Variants in GRB2 observed in about 807,000 individuals in gnomAD.
GRB2 encodes the protein growth factor receptor bound protein 2.
Under a neutral mutation model 27.4 loss-of-function variants are expected in GRB2, and 2 were observed. That is an observed-to-expected ratio of 0.07 (90% CI 0.03 to 0.23). The LOEUF (loss-of-function observed/expected upper bound fraction) is 0.23. Among genes scored for constraint, GRB2 ranks in the 10% least tolerant of loss-of-function variants. The pLI is 1.00. For synonymous variants in GRB2, 94 were observed against 99.6 expected, an observed-to-expected ratio of 0.94 and a Z score of 0.33; for missense variants, 102 against 282.4, an observed-to-expected ratio of 0.36 and a Z score of 4.58.
intron 2 of GRB2, among the ~76,000 whole-genome samples, chr17:75,387,016 C>T (rs376305527): frequency 2.3e-5 from 2 of 87,094 alleles, no homozygotes; most frequent in Non-Finnish European, 3.1e-5. Flanking sequence ...CAAAAATTAG[C>T]TGGGTGTGGT....
intron 1 of GRB2, among the ~76,000 whole-genome samples, chr17:75,400,957 A>T (rs1273162962): frequency 1.3e-5 from 2 of 150,290 alleles, no homozygotes; most frequent in Non-Finnish European, 3.0e-5. Context: ...AAATACCAGG[A>T]TATATCAATT....
chr17:75,320,971 C>T lies in GRB2; in HGVS notation c.469-418G>A, dbSNP rs770182787. 6.6e-5 allele frequency among the ~76,000 whole-genome samples: 10 copies of T among 152,016 alleles called. No individual in the cohort carries two copies. Among genetic ancestry groups the T allele is most frequent in the Non-Finnish European group, 1.0e-4 (7 of 68,020 alleles). ...CTCGAATAACATAAGGGGCTCTAACCGTAACTTACGACCAGGGCTCGAGGG... is the reference window on the plus strand; with the variant it reads ...CTCGAATAACATAAGGGGCTCTAACTGTAACTTACGACCAGGGCTCGAGGG... On this transcript the variant is annotated intron_variant, in intron 5 of 5. Coordinates refer to ENST00000316804, the MANE Select transcript of GRB2 (RefSeq NM_002086.5). The surrounding 1 kb of genome is among the most constrained non-coding windows in gnomAD (Gnocchi z 4.3).
At chr17:75,359,360 G>C (rs1025429151) in intron 2 of GRB2, among the ~76,000 whole-genome samples, 3 of 151,466 alleles carry the variant, frequency 2.0e-5, no homozygotes, top group Admixed American at 2.0e-4. Flanking sequence ...ACAAAAATCA[G>C]CCAGGCACGG....
At chr17:75,350,235 GAAA>G (rs35602764) in intron 2 of GRB2, among the ~76,000 whole-genome samples, 2 of 130,962 alleles carry the variant, frequency 1.5e-5, no homozygotes, top group Non-Finnish European at 1.6e-5. Flanking sequence ...TCTCTGAGGG[GAAA>G]AAAAAAAAAA....
intron 2 of GRB2, among the ~76,000 whole-genome samples, chr17:75,368,319 G>A (rs1174407097): frequency 2.0e-5 from 3 of 150,632 alleles, no homozygotes; most frequent in Non-Finnish European, 1.5e-5. Context: ...ATGGTCAAGC[G>A]ATTATCCTGC....
intron 2 of GRB2, among the ~76,000 whole-genome samples, chr17:75,374,606 C>T (rs1240790998): frequency 2.1e-5 from 3 of 141,926 alleles, no homozygotes; most frequent in African/African-American, 8.3e-5. Context: ...TGCCTGTAGT[C>T]ACACACACAC....
At chr17:75,386,276 G>C (rs190072064) in intron 2 of GRB2, among the ~76,000 whole-genome samples, 4 of 152,114 alleles carry the variant, frequency 2.6e-5, no homozygotes. Context: ...ACACCACCAC[G>C]CCCAGCTAAT....
At chr17:75,329,251 G>T (rs1302413402) in intron 3 of GRB2, among the ~76,000 whole-genome samples, 5 of 151,936 alleles carry the variant, frequency 3.3e-5, no homozygotes, top group African/African-American at 7.3e-5. Flanking sequence ...TCTCCACTAG[G>T]GAGGTTTTTT....
intron 2 of GRB2, among the ~76,000 whole-genome samples, chr17:75,360,059 A>C (rs1460927448): frequency 1.3e-5 from 2 of 151,818 alleles, no homozygotes; most frequent in African/African-American, 4.8e-5. Context: ...AGGTGGGAGG[A>C]TTGCTTGAGG....
At position 75,336,376 on chromosome 17, in the gene GRB2, CAG is replaced by C. The variant is rs375366982; in HGVS notation, c.79-3581_79-3580del. Among the ~76,000 whole-genome samples the C allele has an allele frequency of 8.5e-5, 13 of 152,272 alleles. No homozygotes were observed. The East Asian group carries it at 1.5e-3, about 18-fold the overall frequency. The stretch of plus-strand genomic sequence containing the variant: ...ACTGTATACACTTGTTCTTGGAAGA[CAG>C]AGAGTCAGACTGACAAAGAGCTGCT... On this transcript the variant is annotated intron_variant, in intron 2 of 5. Coordinates refer to ENST00000316804, the MANE Select transcript of GRB2 (RefSeq NM_002086.5).
intron 4 of GRB2, among the ~76,000 whole-genome samples, chr17:75,325,117 C>T (rs529249097): frequency 1.3e-5 from 2 of 152,026 alleles, no homozygotes; most frequent in Admixed American, 6.6e-5. Flanking sequence ...TTTTCTATCC[C>T]CCATTCAAAA....
chr17:75,396,902 T>A lies in GRB2; in HGVS notation c.-137-3137A>T, dbSNP rs531902969. Among the ~76,000 whole-genome samples the A allele has an allele frequency of 5.4e-4, 83 of 152,332 alleles. 1 individual carries two copies. Among genetic ancestry groups the A allele is most frequent in the African/African-American group, 1.9e-3 (80 of 41,570 alleles). Reference sequence around the variant, plus strand: ...AAAAGCCCTGTCACTTTCAAGGTGCTATGTAGTACGACCAGCCATAAGCTT... The same window carrying A: ...AAAAGCCCTGTCACTTTCAAGGTGCAATGTAGTACGACCAGCCATAAGCTT... On this transcript the variant is annotated intron_variant, in intron 1 of 5. Transcript: ENST00000316804.
At chr17:75,340,446 A>G (rs966968350) in intron 2 of GRB2, among the ~76,000 whole-genome samples, 31 of 152,346 alleles carry the variant, frequency 2.0e-4, no homozygotes, top group African/African-American at 7.2e-4. Flanking sequence ...AAATACTGCC[A>G]TGACTTGAAG....
chr17:75,345,377 TATGATTC>T (rs1567862363), intron 2 of GRB2, among the ~76,000 whole-genome samples: 1 of 152,134 alleles, frequency 6.6e-6, no homozygotes, highest in Non-Finnish European at 1.5e-5. Context: ...CACGTAAGAC[TATGATTC>T]AAGGGGTCAA....
At chr17:75,390,614 T>C (rs2078992273) in intron 2 of GRB2, among the ~76,000 whole-genome samples, 1 of 152,224 alleles carries the variant, frequency 6.6e-6, no homozygotes, top group Non-Finnish European at 1.5e-5. Flanking sequence ...AACTCTATTT[T>C]AGGCTTCCAG....
chr17:75,374,608 C>A (rs1182460283), intron 2 of GRB2, among the ~76,000 whole-genome samples: 1 of 146,816 alleles, frequency 6.8e-6, no homozygotes. Context: ...CCTGTAGTCA[C>A]ACACACACAC....
At chr17:75,364,838 CAT>C (rs920106969) in intron 2 of GRB2, among the ~76,000 whole-genome samples, 1 of 151,604 alleles carries the variant, frequency 6.6e-6, no homozygotes, top group Admixed American at 6.6e-5. Context: ...TCTATCCAAA[CAT>C]AAAAACCCAG....
chr17:75,390,497 G>A (rs898511063), intron 2 of GRB2, among the ~76,000 whole-genome samples: 1 of 152,128 alleles, frequency 6.6e-6, no homozygotes, highest in Non-Finnish European at 1.5e-5. Flanking sequence ...TGCAGTGGAA[G>A]GGCAATTCCT....
chr17:75,364,020 C>T (rs1302699764), intron 2 of GRB2, among the ~76,000 whole-genome samples: 1 of 152,010 alleles, frequency 6.6e-6, no homozygotes, highest in African/African-American at 2.4e-5. Context: ...ATGCCCAAAT[C>T]TCTGCAGCCT....
Sources: gnomAD v4.1 joint callset for allele counts (sites outside exome capture counted in the v4.1 genomes callset) on GRCh38, gnomAD v4.1.1 for gene constraint, Gnocchi (gnomAD v3.1) non-coding constraint, MANE v1.5 for transcripts, NCBI Gene and HGNC (gene_info 2026-07-23, HGNC 2026-07-21) for gene names.